The following C8orf34 variants were observed in gnomAD, a reference collection of about 807,000 sequenced individuals.
C8orf34 encodes the protein uncharacterized protein C8orf34.
C8orf34 carries 65 observed loss-of-function variants against 68.3 expected under a neutral mutation model. The ratio of observed to expected loss-of-function variants is 0.95; its 90% CI spans 0.78 to 1.17. C8orf34 has a LOEUF of 1.17. Ranked by LOEUF, C8orf34 falls within the 50% of genes most tolerant of loss-of-function variation. C8orf34 has a pLI of 0.00. For missense variants in C8orf34, 664 were observed against 655.4 expected (o/e 1.01, Z -0.14); for synonymous variants, 244 against 241.2 (o/e 1.01, Z -0.11).
At chr8:68,614,271 T>C (rs1818122684) in intron 7 of C8orf34, among the ~76,000 whole-genome samples, 1 of 152,176 alleles carries the variant, frequency 6.6e-6, no homozygotes, top group African/African-American at 2.4e-5. Flanking sequence ...TTTCTTTTGC[T>C]GTGCAGAAGC....
chr8:68,681,344 A>T (rs1820364483), intron 8 of C8orf34, among the ~76,000 whole-genome samples: 2 of 152,178 alleles, frequency 1.3e-5, no homozygotes, highest in Admixed American at 1.3e-4. Flanking sequence ...TCCATATTAA[A>T]ATGAAATCTT....
At chr8:68,396,712 CAAAAAAA>C (rs56946858) in intron 1 of C8orf34, among the ~76,000 whole-genome samples, 88 of 18,682 alleles carry the variant, frequency 4.7e-3, no homozygotes, top group African/African-American at 0.013. Flanking sequence ...AGCTGCTTGT[CAAAAAAA>C]AAAAAAAAAA....
rs545914342 is a variant in C8orf34, at chr8:68,378,828, A to G, written c.327+47489A>G. On this transcript the variant is annotated intron_variant, in intron 1 of 13. Coordinates refer to ENST00000518698, the MANE Select transcript of C8orf34 (RefSeq NM_052958.4). The stretch of plus-strand genomic sequence containing the variant: ...TATGAGATACATAAATTTAAGGATA[A>G]ATGATAGAAGGGTTGAATGCCTCTA... 1.5e-4 allele frequency among the ~76,000 whole-genome samples: 23 copies of G among 152,332 alleles called. 1 individual carries two copies. Among genetic ancestry groups the G allele is most frequent in the Middle Eastern group, 6.8e-3 (2 of 294 alleles).
chr8:68,592,220 A>G (rs527449578), intron 7 of C8orf34, among the ~76,000 whole-genome samples: 1 of 101,560 alleles, frequency 9.8e-6, no homozygotes, highest in African/African-American at 3.9e-5. Flanking sequence ...ATGGTAATAT[A>G]TTTAATTTTT....
chr8:68,357,705 G>A (rs796570832), intron 1 of C8orf34, among the ~76,000 whole-genome samples: 3 of 152,280 alleles, frequency 2.0e-5, no homozygotes, highest in East Asian at 1.9e-4. Flanking sequence ...GAAGCCTCTC[G>A]AATGATTCTT....
chr8:68,448,246 T>A (rs1349063183), intron 3 of C8orf34, among the ~76,000 whole-genome samples: 2 of 152,176 alleles, frequency 1.3e-5, no homozygotes, highest in Non-Finnish European at 2.9e-5. Context: ...GTCTGGAGTC[T>A]GAATATATTC....
chr8:68,800,839 A>T (rs1298754346), intron 12 of C8orf34, among the ~76,000 whole-genome samples: 1 of 152,072 alleles, frequency 6.6e-6, no homozygotes. Context: ...AAGTTAGCAC[A>T]CTCTGCTTTC....
At chr8:68,613,699 T>C (rs970356418) in intron 7 of C8orf34, among the ~76,000 whole-genome samples, 1 of 151,792 alleles carries the variant, frequency 6.6e-6, no homozygotes, top group African/African-American at 2.4e-5. Flanking sequence ...TTGTTGGACA[T>C]TTGGGTTGGT....
intron 10 of C8orf34, among the ~76,000 whole-genome samples, chr8:68,772,645 A>C (rs1282394229): frequency 6.6e-6 from 1 of 152,286 alleles, no homozygotes; most frequent in Middle Eastern, 3.4e-3. Context: ...ACCACATTTC[A>C]GAAAGGCCTT....
chr8:68,652,281 G>T (rs892338053), intron 8 of C8orf34, among the ~76,000 whole-genome samples: 2 of 152,152 alleles, frequency 1.3e-5, no homozygotes, highest in African/African-American at 4.8e-5. Flanking sequence ...TTTAATGGTT[G>T]AGTTGTAAGA....
chr8:68,513,902 G>T (rs917561103), intron 5 of C8orf34, among the ~76,000 whole-genome samples: 4 of 151,818 alleles, frequency 2.6e-5, no homozygotes, highest in African/African-American at 9.7e-5. Context: ...AGTGATGAGG[G>T]GTGGGGGTAT....
At chr8:68,776,851 C>T (rs1343220991) in intron 11 of C8orf34, among the ~76,000 whole-genome samples, 1 of 152,170 alleles carries the variant, frequency 6.6e-6, no homozygotes, top group Non-Finnish European at 1.5e-5. Context: ...GACAAATGGT[C>T]ATCAGGGATG....
At chr8:68,772,508 C>T (rs1286110778) in intron 10 of C8orf34, among the ~76,000 whole-genome samples, 6 of 152,156 alleles carry the variant, frequency 3.9e-5, no homozygotes, top group African/African-American at 7.2e-5. Context: ...CCATGCCATA[C>T]GTTAAGCAGT....
At chr8:68,788,460 G>A (rs951870775) in intron 12 of C8orf34, among the ~76,000 whole-genome samples, 1 of 152,152 alleles carries the variant, frequency 6.6e-6, no homozygotes, top group South Asian at 2.1e-4. Flanking sequence ...TAGAGGAGGA[G>A]GATGGAGGCC....
intron 10 of C8orf34, among the ~76,000 whole-genome samples, chr8:68,723,104 T>A (rs1256427244): frequency 6.6e-6 from 1 of 152,120 alleles, no homozygotes; most frequent in Admixed American, 6.5e-5. Flanking sequence ...ATTTTCCTTC[T>A]ACTGTACATC....
At chr8:68,347,544 C>T (rs1270247719) in intron 1 of C8orf34, among the ~76,000 whole-genome samples, 1 of 152,042 alleles carries the variant, frequency 6.6e-6, no homozygotes, top group Non-Finnish European at 1.5e-5. Flanking sequence ...CACCACACTG[C>T]TTTCCACAAC....
At chr8:68,436,392 C>G (rs1248827143) in intron 1 of C8orf34, among the ~76,000 whole-genome samples, 1 of 152,014 alleles carries the variant, frequency 6.6e-6, no homozygotes, top group Non-Finnish European at 1.5e-5. Flanking sequence ...CTTGTATGTC[C>G]CAGTTTAACT....
intron 7 of C8orf34, chr8:68,533,410 G>T: frequency 1.8e-6 from 2 of 1,140,836 alleles, no homozygotes; most frequent in Non-Finnish European, 2.1e-6. Flanking sequence ...GTAATGAAGC[G>T]TTATTCTGTG....
intron 10 of C8orf34, among the ~76,000 whole-genome samples, chr8:68,768,513 A>G (rs1251875725): frequency 5.3e-5 from 8 of 152,164 alleles, no homozygotes; most frequent in Admixed American, 3.9e-4. Context: ...CGTTTCTTGT[A>G]TCTTTATCTC....
Sources: gnomAD v4.1 joint callset for allele counts (sites outside exome capture counted in the v4.1 genomes callset) on GRCh38, gnomAD v4.1.1 for gene constraint, MANE v1.5 for transcripts, NCBI Gene and HGNC (gene_info 2026-07-23, HGNC 2026-07-21) for gene names.